Variants in ROBO1 observed in about 807,000 individuals in gnomAD.
ROBO1 encodes the protein roundabout homolog 1.
ROBO1 carries 149 observed loss-of-function variants against 195.9 expected under a neutral mutation model. The ratio of observed to expected loss-of-function variants is 0.76; its 90% CI spans 0.67 to 0.87. The LOEUF is 0.87. Ranked by LOEUF, ROBO1 falls within the 40% of genes least tolerant of loss-of-function variation. The pLI, the probability that ROBO1 is intolerant of heterozygous loss-of-function variation, is 0.00. For synonymous variants in ROBO1, 816 were observed against 733.2 expected, an observed-to-expected ratio of 1.11 and a Z score of -1.82; for missense variants, 1,933 against 2,068.3, an observed-to-expected ratio of 0.93 and a Z score of 1.27.
chr3:78,985,430 G>A (rs2077084990), intron 3 of ROBO1, among the ~76,000 whole-genome samples: 1 of 152,018 alleles, frequency 6.6e-6, no homozygotes, highest in Non-Finnish European at 1.5e-5. Flanking sequence ...TCAACAGTAG[G>A]CTATTAGTAA....
intron 2 of ROBO1, among the ~76,000 whole-genome samples, chr3:79,507,199 C>A (rs573067619): frequency 6.6e-6 from 1 of 152,204 alleles, no homozygotes; most frequent in Non-Finnish European, 1.5e-5. Flanking sequence ...ACAAGAACTA[C>A]ATCCCTTGTG....
At chr3:78,940,440 C>G (rs2040069293) in intron 3 of ROBO1, among the ~76,000 whole-genome samples, 1 of 152,178 alleles carries the variant, frequency 6.6e-6, no homozygotes, top group Non-Finnish European at 1.5e-5. Context: ...ACTAGACCTA[C>G]AAGAGTTAGC....
intron 3 of ROBO1, among the ~76,000 whole-genome samples, chr3:79,000,163 T>C (rs1203110710): frequency 1.3e-5 from 2 of 152,068 alleles, no homozygotes; most frequent in Admixed American, 6.6e-5. Flanking sequence ...CTTACAACCA[T>C]GGTGGAAGGG....
chr3:78,688,136 C>T (rs754184262), intron 9 of ROBO1, among the ~76,000 whole-genome samples: 10 of 152,132 alleles, frequency 6.6e-5, no homozygotes, highest in Non-Finnish European at 2.9e-5. Flanking sequence ...CAAATGTTGA[C>T]TGCATATGAT....
At chr3:79,468,874 T>C (rs1393252542) in intron 2 of ROBO1, among the ~76,000 whole-genome samples, 1 of 152,180 alleles carries the variant, frequency 6.6e-6, no homozygotes, top group African/African-American at 2.4e-5. Flanking sequence ...TTTTAGTCTC[T>C]CTTAATTTTA....
intron 8 of ROBO1, among the ~76,000 whole-genome samples, chr3:78,705,973 G>T (rs781242408): frequency 3.9e-5 from 6 of 151,916 alleles, no homozygotes; most frequent in Non-Finnish European, 7.4e-5. Flanking sequence ...TGTTTCTCTG[G>T]AGGACCCTAA....
Position 78,786,817 on chromosome 3 carries a change from T to G in ROBO1, c.500-39917A>C, listed in dbSNP as rs187505380. Among the ~76,000 whole-genome samples, 66 of 152,316 alleles carry G rather than the reference T, an allele frequency of 4.3e-4. 1 individual carries two copies. In the East Asian group the frequency reaches 0.011, roughly 26 times the overall value. ...ATTAAGCCTCTTTTTCTTTATAAAT[T>G]ACCCAGTCTCAGGTATTTCTTCATA... On this transcript the variant is annotated intron_variant, in intron 4 of 30. Coordinates refer to ENST00000464233, the MANE Select transcript of ROBO1 (RefSeq NM_002941.4).
At chr3:78,978,596 T>C (rs1392671530) in intron 3 of ROBO1, among the ~76,000 whole-genome samples, 1 of 152,102 alleles carries the variant, frequency 6.6e-6, no homozygotes, top group South Asian at 2.1e-4. Context: ...TGAAGGACTT[T>C]CCCTAATGTC....
At position 78,995,692 on chromosome 3, in the gene ROBO1, C is replaced by T. The variant is rs756197615; in HGVS notation, c.173-56765G>A. On this transcript the variant is annotated intron_variant, in intron 3 of 30. Coordinates refer to ENST00000464233, the MANE Select transcript of ROBO1 (RefSeq NM_002941.4). ...GAGACCGGAGGATCACATGAGCCCACGAGGTCGAGGCTACAGTGAACTATG... is the reference window on the plus strand; with the variant it reads ...GAGACCGGAGGATCACATGAGCCCATGAGGTCGAGGCTACAGTGAACTATG... Among the ~76,000 whole-genome samples the T allele has an allele frequency of 2.1e-4, 32 of 149,808 alleles. 1 individual carries two copies. Among genetic ancestry groups the T allele is most frequent in the African/African-American group, 5.7e-4 (23 of 40,594 alleles).
chr3:79,537,152 A>T (rs1046523394), intron 2 of ROBO1, among the ~76,000 whole-genome samples: 12 of 151,360 alleles, frequency 7.9e-5, no homozygotes, highest in African/African-American at 2.9e-4. Context: ...CCAAAGATAC[A>T]GAGAACCTGA....
intron 1 of ROBO1, among the ~76,000 whole-genome samples, chr3:79,760,942 G>T (rs1046454461): frequency 6.6e-6 from 1 of 151,466 alleles, no homozygotes; most frequent in African/African-American, 2.4e-5. Context: ...TGTGTGCACA[G>T]TGAGACATGT....
At chr3:79,050,918 A>G (rs763041472) in intron 3 of ROBO1, among the ~76,000 whole-genome samples, 3 of 152,182 alleles carry the variant, frequency 2.0e-5, no homozygotes, top group Non-Finnish European at 4.4e-5. Flanking sequence ...CAGCGTGTAG[A>G]GGGAAATTTA....
rs561679292 is a variant in ROBO1 at position 79,205,509 on chromosome 3, T to C, written c.89-79970A>G. Among the ~76,000 whole-genome samples the C allele has an allele frequency of 8.5e-5, 13 of 152,312 alleles. No homozygotes were observed. In the South Asian group the frequency reaches 2.5e-3, roughly 29 times the overall value. ...GAATAAGATGGGGCTAACTAAATAA[T>C]GATTATCATTGTTGAATAGATACCC... On this transcript the variant is annotated intron_variant, in intron 2 of 30. Transcript: ENST00000464233.
chr3:79,227,455 G>T (rs1042287364), intron 2 of ROBO1, among the ~76,000 whole-genome samples: 1 of 152,064 alleles, frequency 6.6e-6, no homozygotes, highest in Non-Finnish European at 1.5e-5. Flanking sequence ...ATGCAGTATT[G>T]TTATCCATAT....
chr3:79,530,776 C>G (rs1305411545), intron 2 of ROBO1, among the ~76,000 whole-genome samples: 1 of 144,524 alleles, frequency 6.9e-6, no homozygotes, highest in Non-Finnish European at 1.5e-5. Flanking sequence ...CACACACACA[C>G]ACACACACAC....
chr3:79,625,189 C>A (rs1349569334), intron 1 of ROBO1, among the ~76,000 whole-genome samples: 1 of 151,794 alleles, frequency 6.6e-6, no homozygotes, highest in Non-Finnish European at 1.5e-5. Context: ...CTCTGGTACA[C>A]AGTTAATGCA....
intron 2 of ROBO1, among the ~76,000 whole-genome samples, chr3:79,565,764 G>T (rs9882761): frequency 1 from 152,144 of 152,208 alleles, 76,041 homozygotes; most frequent in Middle Eastern, 1. Context: ...GGATACTTTT[G>T]AATGTAAAGA....
chr3:79,174,210 G>A (rs907466256), intron 2 of ROBO1, among the ~76,000 whole-genome samples: 1 of 151,982 alleles, frequency 6.6e-6, no homozygotes, highest in Non-Finnish European at 1.5e-5. Context: ...GGTCCACACT[G>A]CCTTTATAAG....
intron 1 of ROBO1, among the ~76,000 whole-genome samples, chr3:79,590,793 A>G (rs1943975055): frequency 1.4e-5 from 2 of 146,284 alleles, no homozygotes; most frequent in East Asian, 2.0e-4. Context: ...ATATTTATTT[A>G]TATATCAATT....
Sources: gnomAD v4.1 joint callset for allele counts (sites outside exome capture counted in the v4.1 genomes callset) on GRCh38, gnomAD v4.1.1 for gene constraint, MANE v1.5 for transcripts, NCBI Gene and HGNC (gene_info 2026-07-23, HGNC 2026-07-21) for gene names.